The following DPYD variants were observed in gnomAD, a reference collection of about 807,000 sequenced individuals.
DPYD encodes dihydropyrimidine dehydrogenase.
A neutral mutation model predicts 116.2 loss-of-function variants in DPYD; 109 were observed. The observed-to-expected ratio is 0.94, with a 90% CI of 0.80 to 1.10. DPYD has a LOEUF of 1.10. DPYD is among the 50% of genes least tolerant of loss of function. The probability of loss-of-function intolerance (pLI) is 0.00; values close to 1 mark genes in which losing one functional copy is unlikely to be tolerated. For synonymous variants in DPYD, 440 were observed against 432.0 expected, an observed-to-expected ratio of 1.02 and a Z score of -0.23; for missense variants, 1,302 against 1,254.5, an observed-to-expected ratio of 1.04 and a Z score of -0.57.
At chr1:97,429,942 T>C (rs1466860250) in intron 14 of DPYD, among the ~76,000 whole-genome samples, 4 of 152,142 alleles carry the variant, frequency 2.6e-5, no homozygotes, top group Admixed American at 6.6e-5. Flanking sequence ...ATATGCTTAA[T>C]AAATGTGGAC....
intron 16 of DPYD, among the ~76,000 whole-genome samples, chr1:97,337,693 A>G (rs966117374): frequency 1.3e-5 from 2 of 149,350 alleles, no homozygotes; most frequent in South Asian, 2.1e-4. Flanking sequence ...CAGTTAGGAG[A>G]TTGTCTCAAA....
intron 16 of DPYD, among the ~76,000 whole-genome samples, chr1:97,307,150 CT>C (rs1667221814): frequency 6.6e-6 from 1 of 151,874 alleles, no homozygotes; most frequent in African/African-American, 2.4e-5. Context: ...TACAATAGTC[CT>C]TTTTTTCATT....
chr1:97,896,964 T>C (rs1673103189), intron 1 of DPYD, among the ~76,000 whole-genome samples: 1 of 151,982 alleles, frequency 6.6e-6, no homozygotes, highest in African/African-American at 2.4e-5. Flanking sequence ...GTAAAAATCA[T>C]ATATCTACCT....
At chr1:97,096,061 C>T (rs1650224825) in intron 21 of DPYD, 1 of 152,168 alleles carries the variant, frequency 6.6e-6, no homozygotes, top group African/African-American at 2.4e-5. Context: ...GGATAACCTC[C>T]AAAGTAAGAC....
At chr1:97,738,785 T>C (rs1664101439) in intron 4 of DPYD, among the ~76,000 whole-genome samples, 1 of 152,002 alleles carries the variant, frequency 6.6e-6, no homozygotes, top group African/African-American at 2.4e-5. Flanking sequence ...TAAATAGATA[T>C]CTAAGCACAA....
chr1:97,515,684 T>C (rs752904940), intron 13 of DPYD, 42 bp downstream of exon 13: 2 of 1,553,182 alleles, frequency 1.3e-6, no homozygotes, highest in Admixed American at 1.7e-5. Flanking sequence ...AATTAAAATA[T>C]ATGATAGACA....
At chr1:97,365,798 T>G (rs1005195886) in intron 16 of DPYD, among the ~76,000 whole-genome samples, 2 of 152,058 alleles carry the variant, frequency 1.3e-5, no homozygotes, top group Non-Finnish European at 2.9e-5. Context: ...CAGCTAATTT[T>G]TGTGTGTGTG....
chr1:97,487,528 C>A (rs1444140334), intron 13 of DPYD, among the ~76,000 whole-genome samples: 2 of 151,974 alleles, frequency 1.3e-5, no homozygotes, highest in Non-Finnish European at 2.9e-5. Flanking sequence ...AAAAAATTAG[C>A]CGGGTGTGGT....
intron 2 of DPYD, among the ~76,000 whole-genome samples, chr1:97,859,109 T>A (rs1184833718): frequency 2.6e-5 from 4 of 152,186 alleles, no homozygotes; most frequent in African/African-American, 7.2e-5. Context: ...GATTTTTCTG[T>A]GTTATGTTTT....
intron 15 of DPYD, among the ~76,000 whole-genome samples, chr1:97,381,543 C>T (rs1425038485): frequency 2.0e-5 from 3 of 152,156 alleles, no homozygotes; most frequent in African/African-American, 7.2e-5. Flanking sequence ...TGTTTAATTT[C>T]ACCCCTCTAA....
At chr1:97,239,233 A>G (rs777285336) in intron 18 of DPYD, among the ~76,000 whole-genome samples, 1 of 152,194 alleles carries the variant, frequency 6.6e-6, no homozygotes, top group Non-Finnish European at 1.5e-5. Context: ...CATTTTAGTA[A>G]GCCAGAGATT....
intron 1 of DPYD, among the ~76,000 whole-genome samples, chr1:97,907,012 T>C (rs1673663132): frequency 6.6e-6 from 1 of 152,114 alleles, no homozygotes; most frequent in Non-Finnish European, 1.5e-5. Flanking sequence ...CACAGTCATC[T>C]GAGAACTAGC....
At chr1:97,556,095 A>G (rs781495410) in intron 11 of DPYD, among the ~76,000 whole-genome samples, 8 of 152,190 alleles carry the variant, frequency 5.3e-5, no homozygotes, top group Non-Finnish European at 8.8e-5. Context: ...GACAAAGAAC[A>G]AAATTTAAGG....
intron 21 of DPYD, among the ~76,000 whole-genome samples, chr1:97,096,750 T>C (rs1650276235): frequency 6.6e-6 from 1 of 152,048 alleles, no homozygotes; most frequent in African/African-American, 2.4e-5. Flanking sequence ...AAACAGAATA[T>C]GGGAGGGGAC....
chr1:97,422,419 T>C (rs1470092208), intron 14 of DPYD, among the ~76,000 whole-genome samples: 1 of 152,164 alleles, frequency 6.6e-6, no homozygotes, highest in African/African-American at 2.4e-5. Flanking sequence ...AGACTTACTC[T>C]GATAACATGT....
intron 8 of DPYD, among the ~76,000 whole-genome samples, chr1:97,637,924 C>T (rs573894084): frequency 2.6e-5 from 4 of 152,058 alleles, no homozygotes; most frequent in East Asian, 1.9e-4. Flanking sequence ...GTCTCTTTTG[C>T]TTGAAGGGTG....
At chr1:97,373,725 T>A in intron 15 of DPYD, 81 bp from the exon 16 acceptor site, 3 of 1,208,992 alleles carry the variant, frequency 2.5e-6, no homozygotes, top group East Asian at 2.4e-5. Flanking sequence ...ATAACACAAG[T>A]CACATTTGTC....
intron 3 of DPYD, among the ~76,000 whole-genome samples, chr1:97,825,129 C>T (rs1974203): frequency 0.74 from 111,875 of 151,888 alleles, 41,718 homozygotes; most frequent in East Asian, 0.98. Context: ...AACCCCTCGT[C>T]CTTTTTACAC....
intron 16 of DPYD, among the ~76,000 whole-genome samples, chr1:97,315,928 C>T (rs114753598): frequency 0.021 from 3,198 of 151,970 alleles, 44 homozygotes; most frequent in Middle Eastern, 0.044. Flanking sequence ...GATTGAGTGA[C>T]CTCTGCAAAA....
Sources: allele counts gnomAD v4.1 joint callset (sites outside exome capture counted in the v4.1 genomes callset), GRCh38; gene constraint gnomAD v4.1.1; transcripts MANE v1.5; gene names NCBI Gene and HGNC (gene_info 2026-07-23, HGNC 2026-07-21).